MFSD6: variants seen among roughly 807,000 people sequenced by gnomAD.
The protein encoded by MFSD6 is major facilitator superfamily domain containing 6, also known as major facilitator superfamily domain-containing protein 6.
Under a neutral mutation model 56.3 loss-of-function variants are expected in MFSD6, and 26 were observed. The observed-to-expected ratio is 0.46, with a 90% CI of 0.34 to 0.64. The LOEUF (loss-of-function observed/expected upper bound fraction) is 0.64. MFSD6 is among the 30% of genes least tolerant of loss of function. The pLI is 0.01. For missense variants in MFSD6, 750 were observed against 986.2 expected (o/e 0.76, Z 3.21); for synonymous variants, 331 against 366.9 (o/e 0.90, Z 1.12).
At chr2:190,448,719 C>G (rs1045234657) in intron 3 of MFSD6, among the ~76,000 whole-genome samples, 2 of 152,074 alleles carry the variant, frequency 1.3e-5, no homozygotes, top group Admixed American at 1.3e-4. Flanking sequence ...CTGGACAGGA[C>G]AAAAAGAGAA....
rs1309719837 is a variant in MFSD6 at position 190,418,241 on chromosome 2, A to G, written c.-54+2828A>G. Among the ~76,000 whole-genome samples the G allele has an allele frequency of 6.6e-6, 1 of 152,198 alleles. No individual in the cohort carries two copies. The highest frequency in any genetic ancestry group is 1.5e-5 in the Non-Finnish European group (1 of 68,026). ...GGGAAAGGAATCATTTCCACCCCAGAGAACTGTTGTGAGTATTAAATGAGT... is the reference window on the plus strand; with the variant it reads ...GGGAAAGGAATCATTTCCACCCCAGGGAACTGTTGTGAGTATTAAATGAGT... On this transcript the variant is annotated intron_variant, in intron 2 of 7. Transcript: ENST00000392328. The surrounding 1 kb of genome is among the most constrained non-coding windows in gnomAD (Gnocchi z 4.1).
rs750016178 is a variant in MFSD6 at position 190,437,037 on chromosome 2, C to T, written c.1008C>T (p.Gly336=). The T allele has an allele frequency of 1.1e-4, 178 of 1,614,102 alleles. 2 individuals are homozygous for T. In the South Asian group the frequency reaches 1.9e-3, roughly 17 times the overall value. ...GCATGTGGGGCTCCCTGGGCTGGGGCCTGGCGATGCTGTCTGTGGGCATCG... is the reference window on the plus strand; with the variant it reads ...GCATGTGGGGCTCCCTGGGCTGGGGTCTGGCGATGCTGTCTGTGGGCATCG... ...LQRMWGSLGW[G]LAMLSVGIGI... Residue 336 remains glycine, a synonymous_variant, in exon 3 of 8, where the codon GGC becomes GGT. Transcript: ENST00000392328. The surrounding 1 kb of genome is among the most constrained non-coding windows in gnomAD (Gnocchi z 5.9).
chr2:190,469,728 ATTTTAT>A lies in MFSD6; in HGVS notation c.1533-19_1533-14del, dbSNP rs749043718. On this transcript the variant is annotated intron_variant, in intron 3 of 7. Transcript: ENST00000392328. This position sits in a 1 kb window ranked among gnomAD's most constrained non-coding sequence, Gnocchi z 5.3. Reference sequence around the variant, plus strand: ...AGTTTATTTTCCTTTGCTTTTTTTTATTTTATTTTTATTTTTTATTTTTTTTTAGGG... The same window carrying A: ...AGTTTATTTTCCTTTGCTTTTTTTTATTTTATTTTTTATTTTTTTTTAGGG... 5.8e-5 allele frequency: 60 copies of A among 1,025,748 alleles called. 2 individuals are homozygous for A. The African/African-American group carries it at 1.2e-3, about 20-fold the overall frequency. The allele number at this position is 1,025,748 out of a possible 1,614,324, so 63.5% of individuals were successfully genotyped here. A position where few individuals can be genotyped will look rare whatever the true frequency, so the allele number is the denominator to read the frequency against.
In MFSD6 at chr2:190,434,182, C is replaced by CAAAAAAAAAAAAAAA. The variant is rs67545783; in HGVS notation, c.-53-1782_-53-1781insAAAAAAAAAAAAAAA. 7.7e-6 allele frequency among the ~76,000 whole-genome samples: 1 copy of CAAAAAAAAAAAAAAA among 129,790 alleles called. No individual in the cohort carries two copies. 85.1% of individuals were successfully genotyped at this position (129,790 alleles called of 152,430 possible). Reference sequence around the variant, plus strand: ...GGTGACAGAGTAAGACCCTGTCTCTCAAAAAAAAAAAAAGAAAAAAAAGAA... The same window carrying CAAAAAAAAAAAAAAA: ...GGTGACAGAGTAAGACCCTGTCTCTCAAAAAAAAAAAAAAAAAAAAAAAAAAAAGAAAAAAAAGAA... On this transcript the variant is annotated intron_variant, in intron 2 of 7. Transcript: ENST00000392328. This position sits in a 1 kb window ranked among gnomAD's most constrained non-coding sequence, Gnocchi z 4.3.
At position 190,438,359 on chromosome 2, in the gene MFSD6, T is replaced by C. The variant is rs1325632621; in HGVS notation, c.1532+798T>C. ...GGTGAAACCCCATCTCTACTAAAAA[T>C]ACAAAAGTTAGCCGGGCATGGTGGC... On this transcript the variant is annotated intron_variant, in intron 3 of 7. Transcript: ENST00000392328. This position sits in a 1 kb window ranked among gnomAD's most constrained non-coding sequence, Gnocchi z 5.2. Among the ~76,000 whole-genome samples the C allele has an allele frequency of 6.6e-6, 1 of 152,046 alleles. No homozygotes were observed. Among genetic ancestry groups the C allele is most frequent in the Non-Finnish European group, 1.5e-5 (1 of 68,008 alleles).
rs1048332172 is a variant in MFSD6, at chr2:190,471,438, A to T, written c.1630+1583A>T. 3.3e-5 allele frequency among the ~76,000 whole-genome samples: 5 copies of T among 152,116 alleles called. No homozygotes were observed. The highest frequency in any genetic ancestry group is 1.2e-4 in the African/African-American group (5 of 41,404). ...GTCTTAGCAAACGGCACACTAGGAG[A>T]TTATATCCCGCACCTGGCTTGGAGG... On this transcript the variant is annotated intron_variant, in intron 4 of 7. Transcript: ENST00000392328. This position sits in a 1 kb window ranked among gnomAD's most constrained non-coding sequence, Gnocchi z 4.7.
Position 190,408,357 on chromosome 2 carries a change from C to A in MFSD6, c.-322C>A. The A allele has an allele frequency of 6.6e-6, 1 of 151,446 alleles. No individual in the cohort carries two copies. The highest frequency in any genetic ancestry group is 1.8e-4 in the South Asian group (1 of 5,494). 9.4% of individuals were successfully genotyped at this position (151,446 alleles called of 1,614,324 possible). A position where few individuals can be genotyped will look rare whatever the true frequency, so the allele number is the denominator to read the frequency against. Reference sequence around the variant, plus strand: ...CCTCGCCGCGCCCCGCCCAGCCCGTCGCAGCCCCGGAGGAGCGCGCGAGCA... The same window carrying A: ...CCTCGCCGCGCCCCGCCCAGCCCGTAGCAGCCCCGGAGGAGCGCGCGAGCA... On this transcript the variant is annotated 5_prime_UTR_variant, in exon 1 of 8. Coordinates refer to ENST00000392328, the MANE Select transcript of MFSD6 (RefSeq NM_017694.4).
Position 190,490,557 on chromosome 2 carries a change from C to T in MFSD6, c.1891+691C>T, listed in dbSNP as rs965969625. Reference sequence around the variant, plus strand: ...CAGCCTGGGGGAACGAGCAAGACTCCCTCTCAAAAAAAAAACAAAAAACAA... The same window carrying T: ...CAGCCTGGGGGAACGAGCAAGACTCTCTCTCAAAAAAAAAACAAAAAACAA... On this transcript the variant is annotated intron_variant, in intron 6 of 7. Coordinates refer to ENST00000392328, the MANE Select transcript of MFSD6 (RefSeq NM_017694.4). The surrounding 1 kb of genome is among the most constrained non-coding windows in gnomAD (Gnocchi z 4.5). 1.3e-5 allele frequency among the ~76,000 whole-genome samples: 2 copies of T among 148,278 alleles called. No individual in the cohort carries two copies.
rs1316877843 is a variant in MFSD6, at chr2:190,488,136, C to T, written c.1631-521C>T. On this transcript the variant is annotated intron_variant, in intron 4 of 7. Transcript: ENST00000392328. This position sits in a 1 kb window ranked among gnomAD's most constrained non-coding sequence, Gnocchi z 6.4. ...CAGGATGGTCTCAATCTCCTGACCT[C>T]GTGATCCACCCGCCTCGGCCTCCCA... 1.2e-4 allele frequency among the ~76,000 whole-genome samples: 18 copies of T among 152,246 alleles called. No homozygotes were observed. The highest frequency in any genetic ancestry group is 3.4e-3 in the Middle Eastern group (1 of 294).
In MFSD6 at chr2:190,490,329, C is replaced by T. The variant is rs1305717883; in HGVS notation, c.1891+463C>T. ...CTGTAATCCCAACACTTTGGGAGGC[C>T]GAGGCGGGTGGATCACGAGGTTAGG... On this transcript the variant is annotated intron_variant, in intron 6 of 7. Transcript: ENST00000392328. This position sits in a 1 kb window ranked among gnomAD's most constrained non-coding sequence, Gnocchi z 4.5. Among the ~76,000 whole-genome samples, 3 of 151,150 alleles carry T rather than the reference C, an allele frequency of 2.0e-5. No individual in the cohort carries two copies. The highest frequency in any genetic ancestry group is 4.2e-4 in the South Asian group (2 of 4,796).
rs1220958519 is a variant in MFSD6 at position 190,469,913 on chromosome 2, A to G, written c.1630+58A>G. On this transcript the variant is annotated intron_variant, in intron 4 of 7. Transcript: ENST00000392328. This position sits in a 1 kb window ranked among gnomAD's most constrained non-coding sequence, Gnocchi z 5.3. ...CTGCCTTCCCTGAGCTGTGGCTAAA[A>G]GCCCAGTGGCCTTCAGCATCTGATT... is the stretch of plus-strand genomic sequence containing the variant. 12 of 1,244,182 alleles carry G rather than the reference A, an allele frequency of 9.6e-6. No homozygotes were observed. The highest frequency in any genetic ancestry group is 1.4e-5 in the Non-Finnish European group (12 of 862,272). The allele number at this position is 1,244,182 out of a possible 1,614,324, so 77.1% of individuals were successfully genotyped here.
chr2:190,488,831 T>C lies in MFSD6; in HGVS notation c.1792+13T>C. The C allele has an allele frequency of 6.6e-7, 1 of 1,526,382 alleles. No homozygotes were observed. Among genetic ancestry groups the C allele is most frequent in the Non-Finnish European group, 8.8e-7 (1 of 1,137,818 alleles). 94.6% of individuals were successfully genotyped at this position (1,526,382 alleles called of 1,614,324 possible). A position where few individuals can be genotyped will look rare whatever the true frequency, so the allele number is the denominator to read the frequency against. On this transcript the variant is annotated intron_variant, in intron 5 of 7. Coordinates refer to ENST00000392328, the MANE Select transcript of MFSD6 (RefSeq NM_017694.4). This position sits in a 1 kb window ranked among gnomAD's most constrained non-coding sequence, Gnocchi z 6.4. ...GTCAATTATTTTGGTAAGAATGGCT[T>C]TCTCCTTTTTTTTCTTTTCTATTAT...
chr2:190,457,677 A>T lies in MFSD6; in HGVS notation c.1533-12081A>T, dbSNP rs980543670. On this transcript the variant is annotated intron_variant, in intron 3 of 7. Coordinates refer to ENST00000392328, the MANE Select transcript of MFSD6 (RefSeq NM_017694.4). This position sits in a 1 kb window ranked among gnomAD's most constrained non-coding sequence, Gnocchi z 5.1. ...GTTATTGCTGAAATATTTGCATTTA[A>T]TTTAATGGTAGCTTACATATTTGCA... 2.0e-5 allele frequency among the ~76,000 whole-genome samples: 3 copies of T among 152,184 alleles called. No homozygotes were observed. The highest frequency in any genetic ancestry group is 4.4e-5 in the Non-Finnish European group (3 of 68,036).
chr2:190,451,853 G>A lies in MFSD6; in HGVS notation c.1532+14292G>A, dbSNP rs1686784234. On this transcript the variant is annotated intron_variant, in intron 3 of 7. Transcript: ENST00000392328. The surrounding 1 kb of genome is among the most constrained non-coding windows in gnomAD (Gnocchi z 5.0). Reference sequence around the variant, plus strand: ...AAGAGAAGCTGAGTTTTAGCAGGAGGTGATATAACTGATTTCTGCTTTTAT... The same window carrying A: ...AAGAGAAGCTGAGTTTTAGCAGGAGATGATATAACTGATTTCTGCTTTTAT... 1.3e-5 allele frequency among the ~76,000 whole-genome samples: 2 copies of A among 152,224 alleles called. No homozygotes were observed.
rs1689997669 is a variant in MFSD6, at chr2:190,501,007, A to T, written c.*789A>T. On this transcript the variant is annotated 3_prime_UTR_variant, in exon 8 of 8. Transcript: ENST00000392328. ...AACTCAGTATCCTGTGTTTTGATAG[A>T]CAAGAGTTTACTAAATATATTGATA... is the stretch of plus-strand genomic sequence containing the variant. The T allele has an allele frequency of 6.6e-6, 1 of 152,198 alleles. No individual in the cohort carries two copies. The highest frequency in any genetic ancestry group is 2.4e-5 in the African/African-American group (1 of 41,452). 9.4% of individuals were successfully genotyped at this position (152,198 alleles called of 1,614,324 possible).
In MFSD6 at chr2:190,500,003, T is replaced by C. The variant is rs114807949; in HGVS notation, c.2173-12T>C. ...CACTGATCATGGGGCATCTCCTGTT[T>C]TTTACCTCCAGGGGACCAATGAGAA... On this transcript the variant is annotated splice_polypyrimidine_tract_variant and intron_variant, in intron 7 of 7. Coordinates refer to ENST00000392328, the MANE Select transcript of MFSD6 (RefSeq NM_017694.4). This position sits in a 1 kb window ranked among gnomAD's most constrained non-coding sequence, Gnocchi z 5.3. 2.3e-3 allele frequency: 3,647 copies of C among 1,614,020 alleles called. 67 individuals carry two copies. In the African/African-American group the frequency reaches 0.037, roughly 17 times the overall value.
intron 3 of MFSD6, among the ~76,000 whole-genome samples, chr2:190,450,488 C>CTTTTTTTTTTTTTTTTTTTT (rs10665730): frequency 1.0e-5 from 1 of 97,254 alleles, no homozygotes; most frequent in Non-Finnish European, 1.9e-5. Context: ...TCTCTTTTTC[C>CTTTTTTTTTTTTTTTTTTTT]TTTTTTTTTT....
intron 4 of MFSD6, chr2:190,477,428 A>G: frequency 2.2e-6 from 2 of 911,850 alleles, no homozygotes; most frequent in Non-Finnish European, 2.6e-6. Flanking sequence ...ATACATGCAT[A>G]TAACTTTTTT....
At chr2:190,442,546 G>A (rs1553518659) in intron 3 of MFSD6, 1 of 152,052 alleles carries the variant, frequency 6.6e-6, no homozygotes, top group Non-Finnish European at 1.5e-5. Flanking sequence ...AATAGTCCAA[G>A]TAAGAGACGG....
Sources: allele counts gnomAD v4.1 joint callset (sites outside exome capture counted in the v4.1 genomes callset), GRCh38; gene constraint gnomAD v4.1.1; non-coding constraint Gnocchi (gnomAD v3.1); transcripts MANE v1.5; gene names NCBI Gene and HGNC (gene_info 2026-07-23, HGNC 2026-07-21).